DCDC1: variants seen among roughly 807,000 people sequenced by gnomAD.
The protein encoded by DCDC1 is doublecortin domain-containing protein 1.
A neutral mutation model predicts 178.3 loss-of-function variants in DCDC1; 200 were observed. The observed-to-expected ratio is 1.12, with a 90% CI of 1.00 to 1.26. The LOEUF is 1.26. Among genes scored for constraint, DCDC1 ranks in the 50% most tolerant of loss-of-function variants. The pLI, the probability that DCDC1 is intolerant of heterozygous loss-of-function variation, is 0.00. For missense variants in DCDC1, 1,983 were observed against 1,749.2 expected, an observed-to-expected ratio of 1.13 and a Z score of -2.38; for synonymous variants, 690 against 604.8, an observed-to-expected ratio of 1.14 and a Z score of -2.07.
chr11:31,009,346 C>G (rs1245235436), intron 20 of DCDC1, among the ~76,000 whole-genome samples: 1 of 152,050 alleles, frequency 6.6e-6, no homozygotes, highest in Non-Finnish European at 1.5e-5. Context: ...TCAATGGCCT[C>G]AAAGATATAT....
intron 8 of DCDC1, among the ~76,000 whole-genome samples, chr11:31,263,652 T>G (rs1288903378): frequency 6.6e-6 from 1 of 152,208 alleles, no homozygotes; most frequent in Non-Finnish European, 1.5e-5. Flanking sequence ...AAACAATAAG[T>G]ATCAAACTAT....
intron 7 of DCDC1, among the ~76,000 whole-genome samples, chr11:31,278,563 C>T (rs1466733628): frequency 6.6e-6 from 1 of 151,982 alleles, no homozygotes; most frequent in Non-Finnish European, 1.5e-5. Flanking sequence ...AAATTTCAGT[C>T]AGACAGGAGG....
chr11:31,119,333 C>T lies in DCDC1; in HGVS notation c.1485+8136G>A, dbSNP rs191498183. On this transcript the variant is annotated intron_variant, in intron 11 of 38. Transcript: ENST00000684477. ...CAATTTTGCTACTCTCACCACAATTCCTTTTCAAATGAACGCAAAGTTGGC... is the reference window on the plus strand; with the variant it reads ...CAATTTTGCTACTCTCACCACAATTTCTTTTCAAATGAACGCAAAGTTGGC... Among the ~76,000 whole-genome samples the T allele has an allele frequency of 3.3e-5, 5 of 152,246 alleles. No homozygotes were observed. In the East Asian group the frequency reaches 7.7e-4, roughly 23 times the overall value.
chr11:31,216,614 G>A (rs1973601391), intron 9 of DCDC1, among the ~76,000 whole-genome samples: 2 of 152,122 alleles, frequency 1.3e-5, no homozygotes, highest in Admixed American at 1.3e-4. Flanking sequence ...ATCAGCTATG[G>A]CATCTGGATG....
chr11:30,957,867 T>G (rs1209171062), intron 20 of DCDC1, among the ~76,000 whole-genome samples: 1 of 152,204 alleles, frequency 6.6e-6, no homozygotes, highest in Non-Finnish European at 1.5e-5. Flanking sequence ...TCCAGGTTTT[T>G]GCACTGATTC....
intron 9 of DCDC1, among the ~76,000 whole-genome samples, chr11:31,143,232 A>C (rs868843853): frequency 6.6e-6 from 1 of 152,226 alleles, no homozygotes; most frequent in African/African-American, 2.4e-5. Flanking sequence ...CATAAATAAT[A>C]GGTAGTATCT....
At chr11:31,159,259 T>C (rs770143807) in intron 9 of DCDC1, among the ~76,000 whole-genome samples, 7 of 152,218 alleles carry the variant, frequency 4.6e-5, no homozygotes, top group Non-Finnish European at 1.0e-4. Flanking sequence ...ATTACCAAAA[T>C]AGCTGCTTTC....
intron 25 of DCDC1, among the ~76,000 whole-genome samples, chr11:30,919,735 C>T (rs2134234207): frequency 6.6e-6 from 1 of 152,222 alleles, no homozygotes; most frequent in African/African-American, 2.4e-5. Context: ...CGTTCATATT[C>T]TTATAATTGA....
At chr11:31,026,262 T>C (rs1225321923) in intron 20 of DCDC1, among the ~76,000 whole-genome samples, 1 of 151,714 alleles carries the variant, frequency 6.6e-6, no homozygotes, top group Non-Finnish European at 1.5e-5. Flanking sequence ...TTAATAACAA[T>C]TCTTCACTAA....
intron 2 of DCDC1, among the ~76,000 whole-genome samples, chr11:31,335,075 C>G (rs185279099): frequency 3.3e-5 from 5 of 152,330 alleles, no homozygotes; most frequent in Admixed American, 2.0e-4. Context: ...GCTTCCCCAG[C>G]TGCTTTGTTT....
intron 9 of DCDC1, among the ~76,000 whole-genome samples, chr11:31,140,255 T>G (rs1466667093): frequency 1.3e-5 from 2 of 152,156 alleles, no homozygotes; most frequent in East Asian, 3.9e-4. Flanking sequence ...CTGAGGTTGA[T>G]TTTTCATGTG....
At chr11:31,261,179 G>T (rs1944757354) in intron 8 of DCDC1, among the ~76,000 whole-genome samples, 1 of 152,124 alleles carries the variant, frequency 6.6e-6, no homozygotes, top group Non-Finnish European at 1.5e-5. Context: ...ACTTCCATCT[G>T]CATTGTCTCA....
chr11:31,176,765 A>C lies in DCDC1; in HGVS notation c.1222-38981T>G, dbSNP rs559053440. Among the ~76,000 whole-genome samples, 597 of 152,272 alleles carry C rather than the reference A, an allele frequency of 3.9e-3. 4 individuals are homozygous for C. Among genetic ancestry groups the C allele is most frequent in the Non-Finnish European group, 7.2e-3 (487 of 67,998 alleles). ...ATAATACATTCAAAGTTCTGAAGGA[A>C]AAAAAATACTCAGCAAAGAATACTA... is the stretch of plus-strand genomic sequence containing the variant. On this transcript the variant is annotated intron_variant, in intron 9 of 38. Coordinates refer to ENST00000684477, the MANE Select transcript of DCDC1 (RefSeq NM_001387274.1).
chr11:31,359,282 T>G (rs1396512264), intron 1 of DCDC1, among the ~76,000 whole-genome samples: 1 of 152,022 alleles, frequency 6.6e-6, no homozygotes, highest in African/African-American at 2.4e-5. Flanking sequence ...ACGTCCTTTG[T>G]TGTGACATGG....
chr11:30,902,516 ATG>A (rs965333847), intron 32 of DCDC1, among the ~76,000 whole-genome samples: 88 of 151,902 alleles, frequency 5.8e-4, no homozygotes, highest in East Asian at 2.9e-3. Flanking sequence ...ATACACATAT[ATG>A]TGTGTGTGTG....
At chr11:30,871,897 T>TATATATACACACATATATGTACAC (rs1421751021) in intron 38 of DCDC1, among the ~76,000 whole-genome samples, 1 of 150,448 alleles carries the variant, frequency 6.6e-6, no homozygotes, top group East Asian at 1.9e-4. Context: ...TATATACACA[T>TATATATACACACATATATGTACAC]ATATATACAC....
chr11:31,152,140 C>T (rs1354807245), intron 9 of DCDC1, among the ~76,000 whole-genome samples: 2 of 152,082 alleles, frequency 1.3e-5, no homozygotes, highest in Non-Finnish European at 2.9e-5. Flanking sequence ...TTTTTCATTT[C>T]ATGTCTAATT....
chr11:31,321,644 C>A (rs547535991), intron 3 of DCDC1, among the ~76,000 whole-genome samples: 1 of 152,128 alleles, frequency 6.6e-6, no homozygotes, highest in African/African-American at 2.4e-5. Context: ...AGCTGTAGAC[C>A]GGAGCTGTTC....
At chr11:31,339,752 A>G (rs185350663) in intron 1 of DCDC1, among the ~76,000 whole-genome samples, 89 of 152,342 alleles carry the variant, frequency 5.8e-4, no homozygotes, top group Middle Eastern at 3.4e-3. Flanking sequence ...CACAGAAGAA[A>G]GGATTCCTTA....
Sources: gnomAD v4.1 joint callset for allele counts (sites outside exome capture counted in the v4.1 genomes callset) on GRCh38, gnomAD v4.1.1 for gene constraint, MANE v1.5 for transcripts, NCBI Gene and HGNC (gene_info 2026-07-23, HGNC 2026-07-21) for gene names.